Variants in ZCCHC14 observed in about 807,000 individuals in gnomAD.
The protein encoded by ZCCHC14 is zinc finger CCHC-type containing 14, also known as zinc finger CCHC domain-containing protein 14.
In ZCCHC14, 16 loss-of-function variants were observed where a neutral mutation model predicts 85.0. The ratio of observed to expected loss-of-function variants is 0.19; its 90% CI spans 0.13 to 0.29. The LOEUF (loss-of-function observed/expected upper bound fraction) is 0.29. Ranked by LOEUF, ZCCHC14 falls within the 10% of genes least tolerant of loss-of-function variation. The pLI is 1.00. For missense variants in ZCCHC14, 1,303 were observed against 1,443.5 expected (o/e 0.90, Z 1.58); for synonymous variants, 775 against 630.7 (o/e 1.23, Z -3.43).
At chr16:87,417,326 C>T in intron 8 of ZCCHC14, 134 bp downstream of exon 8, 5 of 1,340,690 alleles carry the variant, frequency 3.7e-6, no homozygotes, top group Non-Finnish European at 5.1e-6. Context: ...CCACCGTCTC[C>T]CTTAAGAACA....
intron 2 of ZCCHC14, among the ~76,000 whole-genome samples, chr16:87,454,090 A>G (rs765354153): frequency 6.6e-6 from 1 of 152,226 alleles, no homozygotes; most frequent in African/African-American, 2.4e-5. Flanking sequence ...GAAGACAGAT[A>G]AAAAGAAAAT....
rs1375617105 is a variant in ZCCHC14 at position 87,420,655 on chromosome 16, T to A, written c.902A>T (p.Asp301Val). ...EKLIPCLAGPDAFYVERNHVD... is the reference protein window; with the variant it reads ...EKLIPCLAGPVAFYVERNHVD... The stretch of plus-strand genomic sequence containing the variant: ...GTGGTTTCGCTCCACATAAAATGCG[T>A]CCGGACCAGCTAAGCAAGGAATGAG... The change falls in exon 5 of 13, where the codon GAC (aspartate) becomes GTC (valine). Residue 301 changes from aspartate to valine, a missense_variant. This residue lies in a region of ZCCHC14 where 389 missense variants were observed against 397.8 expected (regional missense o/e 0.98). Coordinates refer to ENST00000671377, the MANE Select transcript of ZCCHC14 (RefSeq NM_015144.3). The surrounding 1 kb of genome is among the most constrained non-coding windows in gnomAD (Gnocchi z 5.0). The A allele has an allele frequency of 6.2e-7, 1 of 1,613,952 alleles. No homozygotes were observed. The highest frequency in any genetic ancestry group is 8.5e-7 in the Non-Finnish European group (1 of 1,179,912).
At chr16:87,414,080 CCTCT>C (rs1370736744) in intron 10 of ZCCHC14, among the ~76,000 whole-genome samples, 1 of 152,236 alleles carries the variant, frequency 6.6e-6, no homozygotes, top group Non-Finnish European at 1.5e-5. Context: ...AACACAAGGC[CCTCT>C]CTGTGTCTGC....
At chr16:87,436,494 G>A (rs954284696) in intron 2 of ZCCHC14, among the ~76,000 whole-genome samples, 9 of 152,256 alleles carry the variant, frequency 5.9e-5, no homozygotes, top group African/African-American at 2.2e-4. Context: ...TGGGTGACCA[G>A]CCTGAGTCAA....
In ZCCHC14 at chr16:87,409,015, C is replaced by T. The variant is rs189928890; in HGVS notation, c.*1265G>A. On this transcript the variant is annotated 3_prime_UTR_variant, in exon 13 of 13. Transcript: ENST00000671377. The stretch of plus-strand genomic sequence containing the variant: ...ATTTCAGACAAAAGGCTTTCATTTC[C>T]GTGGGTTGAAATTTAGAGATCTACA... The T allele has an allele frequency of 7.9e-5, 12 of 152,362 alleles. No individual in the cohort carries two copies. The highest frequency in any genetic ancestry group is 5.2e-4 in the Admixed American group (8 of 15,242). 9.4% of individuals were successfully genotyped at this position (152,362 alleles called of 1,614,324 possible).
In ZCCHC14 at chr16:87,491,244, G is replaced by T. The variant is rs1173317674; in HGVS notation, c.570+425C>A. 1.3e-5 allele frequency among the ~76,000 whole-genome samples: 2 copies of T among 152,250 alleles called. No homozygotes were observed. Among genetic ancestry groups the T allele is most frequent in the African/African-American group, 4.8e-5 (2 of 41,468 alleles). On this transcript the variant is annotated intron_variant, in intron 1 of 12. Coordinates refer to ENST00000671377, the MANE Select transcript of ZCCHC14 (RefSeq NM_015144.3). This position sits in a 1 kb window ranked among gnomAD's most constrained non-coding sequence, Gnocchi z 5.9. ...CCTCGGACCCAGGGCCCCTGCAGCC[G>T]CTCCTGCCCAAGGGGCGCGAGGCGG...
intron 4 of ZCCHC14, among the ~76,000 whole-genome samples, chr16:87,422,491 G>A (rs968532774): frequency 2.6e-5 from 4 of 151,810 alleles, no homozygotes; most frequent in Non-Finnish European, 5.9e-5. Context: ...CTGGGAGGCC[G>A]AGGAGGACAG....
rs150622014 is a variant in ZCCHC14 at position 87,438,058 on chromosome 16, T to C, written c.695-4857A>G. Among the ~76,000 whole-genome samples, 1,411 of 152,370 alleles carry C rather than the reference T, an allele frequency of 9.3e-3. 18 individuals are homozygous for C. The highest frequency in any genetic ancestry group is 0.032 in the African/African-American group (1,334 of 41,586). On this transcript the variant is annotated intron_variant, in intron 2 of 12. Transcript: ENST00000671377. ...CAGGAATAACATGGTTGTGACAGCC[T>C]GCCACCTATGGAGAAAATGAGGAAA...
intron 1 of ZCCHC14, among the ~76,000 whole-genome samples, chr16:87,490,946 C>G (rs1912728325): frequency 6.6e-6 from 1 of 152,262 alleles, no homozygotes. Flanking sequence ...AGGGCCTCCA[C>G]CTGTGTGGAG....
chr16:87,424,210 C>A (rs1909249981), intron 3 of ZCCHC14, among the ~76,000 whole-genome samples: 1 of 152,332 alleles, frequency 6.6e-6, no homozygotes, highest in South Asian at 2.1e-4. Context: ...CTCAGGGGAC[C>A]TCCTCTTCTT....
intron 8 of ZCCHC14, among the ~76,000 whole-genome samples, chr16:87,415,654 C>T (rs550606211): frequency 1.4e-4 from 21 of 152,302 alleles, no homozygotes; most frequent in Non-Finnish European, 2.6e-4. Flanking sequence ...CACAGGCTGG[C>T]GGCTCTGCCA....
chr16:87,425,766 G>A (rs1017962796), intron 3 of ZCCHC14, among the ~76,000 whole-genome samples: 6 of 152,218 alleles, frequency 3.9e-5, no homozygotes, highest in East Asian at 3.9e-4. Flanking sequence ...GCTGTCCCCC[G>A]CGCTGCTGAC....
chr16:87,467,441 G>A, intron 1 of ZCCHC14: 3 of 1,604,864 alleles, frequency 1.9e-6, no homozygotes, highest in Admixed American at 3.3e-5. Flanking sequence ...GTAATAAAAT[G>A]TCTGCCATTT....
At chr16:87,461,876 T>C (rs1429308155) in intron 1 of ZCCHC14, among the ~76,000 whole-genome samples, 2 of 152,230 alleles carry the variant, frequency 1.3e-5, no homozygotes, top group African/African-American at 2.4e-5. Flanking sequence ...GGGCTGTTCA[T>C]GCAGGGAGAG....
rs941348525 is a variant in ZCCHC14 at position 87,434,672 on chromosome 16, A to G, written c.695-1471T>C. ...CCAGTGCTCACACAAGGTCACGGCC[A>G]CCTCAAAAAACCGTATGGCCAAAAA... On this transcript the variant is annotated intron_variant, in intron 2 of 12. Transcript: ENST00000671377. Among the ~76,000 whole-genome samples, 7 of 152,298 alleles carry G rather than the reference A, an allele frequency of 4.6e-5. No homozygotes were observed. The East Asian group carries it at 1.2e-3, about 25-fold the overall frequency.
chr16:87,461,026 G>A (rs1156565728), intron 1 of ZCCHC14, among the ~76,000 whole-genome samples: 1 of 152,236 alleles, frequency 6.6e-6, no homozygotes, highest in Non-Finnish European at 1.5e-5. Context: ...GAGTGTCTGT[G>A]ACAGGGAAAG....
intron 1 of ZCCHC14, chr16:87,472,236 G>C (rs528530364): frequency 6.6e-6 from 1 of 152,212 alleles, no homozygotes; most frequent in Non-Finnish European, 1.5e-5. Flanking sequence ...CTAGTCGTGC[G>C]ACACAAGTGA....
chr16:87,444,038 G>GA lies in ZCCHC14; in HGVS notation c.695-10838dup, dbSNP rs56352252. ...GGTGACAGAGTGAGACTCTATCACAGAAAAAAAAAAAAAAAAAAAAAGAAA... is the reference window on the plus strand; with the variant it reads ...GGTGACAGAGTGAGACTCTATCACAGAAAAAAAAAAAAAAAAAAAAAAGAAA... On this transcript the variant is annotated intron_variant, in intron 2 of 12. Coordinates refer to ENST00000671377, the MANE Select transcript of ZCCHC14 (RefSeq NM_015144.3). 7.0e-3 allele frequency among the ~76,000 whole-genome samples: 537 copies of GA among 77,066 alleles called. 7 individuals carry two copies. The highest frequency in any genetic ancestry group is 0.022 in the African/African-American group (365 of 16,362). The allele number at this position is 77,066 out of a possible 152,430, so 50.6% of individuals were successfully genotyped here.
At chr16:87,413,966 G>A (rs906131484) in intron 10 of ZCCHC14, among the ~76,000 whole-genome samples, 1 of 152,214 alleles carries the variant, frequency 6.6e-6, no homozygotes, top group Non-Finnish European at 1.5e-5. Context: ...CTGTCCCTTC[G>A]ATTTTCTTAT....
Sources: allele counts gnomAD v4.1 joint callset (sites outside exome capture counted in the v4.1 genomes callset), GRCh38; gene constraint gnomAD v4.1.1; regional missense constraint gnomAD v4.1.1; non-coding constraint Gnocchi (gnomAD v3.1); transcripts MANE v1.5; gene names NCBI Gene and HGNC (gene_info 2026-07-23, HGNC 2026-07-21).